PAIP2B: variants seen among roughly 807,000 people sequenced by gnomAD.
PAIP2B encodes poly(A) binding protein interacting protein 2B.
Under a neutral mutation model 17.0 loss-of-function variants are expected in PAIP2B, and 13 were observed. The observed-to-expected ratio is 0.76, with a 90% CI of 0.50 to 1.22. PAIP2B has a LOEUF of 1.22. Among genes scored for constraint, PAIP2B ranks in the 50% most tolerant of loss-of-function variants. The probability of loss-of-function intolerance (pLI) is 0.00; values close to 1 mark genes in which losing one functional copy is unlikely to be tolerated. For synonymous variants in PAIP2B, 43 were observed against 48.7 expected (o/e 0.88, Z 0.48); for missense variants, 117 against 144.5 (o/e 0.81, Z 0.98).
intron 2 of PAIP2B, among the ~76,000 whole-genome samples, chr2:71,191,068 C>T (rs1674675473): frequency 6.6e-6 from 1 of 152,160 alleles, no homozygotes; most frequent in South Asian, 2.1e-4. Context: ...GAGTGTGGTT[C>T]ACTCTGCAGA....
intron 2 of PAIP2B, among the ~76,000 whole-genome samples, chr2:71,196,209 T>C: frequency 6.6e-6 from 1 of 152,240 alleles, no homozygotes; most frequent in East Asian, 1.9e-4. Context: ...GATTCTGGTA[T>C]GTTGTATCTT....
chr2:71,226,579 A>C (rs984232426), intron 1 of PAIP2B, among the ~76,000 whole-genome samples: 1 of 152,040 alleles, frequency 6.6e-6, no homozygotes, highest in Non-Finnish European at 1.5e-5. Context: ...CCTGGGTAGA[A>C]ATGGGACTCA....
chr2:71,214,531 A>G (rs1675380139), intron 1 of PAIP2B, among the ~76,000 whole-genome samples: 1 of 152,240 alleles, frequency 6.6e-6, no homozygotes, highest in Non-Finnish European at 1.5e-5. Flanking sequence ...AAATAGGTCT[A>G]CAATCCATTA....
chr2:71,189,057 G>A (rs1054301242), intron 3 of PAIP2B, among the ~76,000 whole-genome samples: 3 of 146,356 alleles, frequency 2.0e-5, no homozygotes, highest in Non-Finnish European at 4.5e-5. Flanking sequence ...CCAGGCTGGA[G>A]TGCAGTGGTG....
chr2:71,209,863 G>A (rs768821507), intron 1 of PAIP2B, among the ~76,000 whole-genome samples: 76 of 149,920 alleles, frequency 5.1e-4, no homozygotes, highest in Non-Finnish European at 4.7e-4. Context: ...TCACTCTGTC[G>A]CCCCAGGCTG....
chr2:71,215,588 C>A, intron 1 of PAIP2B, among the ~76,000 whole-genome samples: 1 of 152,170 alleles, frequency 6.6e-6, no homozygotes, highest in East Asian at 1.9e-4. Flanking sequence ...CTAGTTATTC[C>A]TTCAAACAGT....
intron 1 of PAIP2B, among the ~76,000 whole-genome samples, chr2:71,206,318 T>C (rs1182725751): frequency 6.6e-6 from 1 of 152,222 alleles, no homozygotes; most frequent in Non-Finnish European, 1.5e-5. Context: ...CTATATTGCA[T>C]CTTGAAACCT....
intron 1 of PAIP2B, among the ~76,000 whole-genome samples, chr2:71,226,539 G>A (rs1031474198): frequency 2.0e-5 from 3 of 152,170 alleles, no homozygotes; most frequent in Non-Finnish European, 4.4e-5. Context: ...GGGGGATGCC[G>A]CGCGGGTCAA....
intron 2 of PAIP2B, among the ~76,000 whole-genome samples, chr2:71,194,767 G>C (rs975287840): frequency 2.6e-5 from 4 of 152,126 alleles, no homozygotes; most frequent in African/African-American, 9.7e-5. Context: ...ATACTATGTT[G>C]AATGTAAGTG....
chr2:71,203,453 G>C (rs1053674303), intron 1 of PAIP2B, among the ~76,000 whole-genome samples: 3 of 151,958 alleles, frequency 2.0e-5, no homozygotes, highest in Non-Finnish European at 4.4e-5. Context: ...ACTACTATAA[G>C]AATTTAAATT....
At chr2:71,190,455 A>T (rs930733156) in intron 2 of PAIP2B, among the ~76,000 whole-genome samples, 3 of 152,124 alleles carry the variant, frequency 2.0e-5, no homozygotes, top group Admixed American at 1.3e-4. Context: ...TAAAAAAAAG[A>T]TTTTATGATC....
chr2:71,195,459 G>C (rs1472723682), intron 2 of PAIP2B, among the ~76,000 whole-genome samples: 1 of 152,140 alleles, frequency 6.6e-6, no homozygotes, highest in Admixed American at 6.5e-5. Flanking sequence ...GAGGGTTTAT[G>C]TGTCCAGGAA....
intron 1 of PAIP2B, among the ~76,000 whole-genome samples, chr2:71,204,896 T>C (rs1469776128): frequency 6.6e-6 from 1 of 152,150 alleles, no homozygotes; most frequent in Non-Finnish European, 1.5e-5. Context: ...GGCAGTTGTT[T>C]GCAACTAGCA....
chr2:71,210,675 A>T (rs1462750440), intron 1 of PAIP2B, among the ~76,000 whole-genome samples: 1 of 152,250 alleles, frequency 6.6e-6, no homozygotes, highest in African/African-American at 2.4e-5. Flanking sequence ...AATATATCAA[A>T]ACAAAGGTAA....
In PAIP2B at chr2:71,183,719, C is replaced by T. The variant is rs1318321280; in HGVS notation, c.*4760G>A. 1.3e-5 allele frequency: 2 copies of T among 152,126 alleles called. No homozygotes were observed. Among genetic ancestry groups the T allele is most frequent in the African/African-American group, 4.8e-5 (2 of 41,414 alleles). 9.4% of individuals were successfully genotyped at this position (152,126 alleles called of 1,614,324 possible). On this transcript the variant is annotated 3_prime_UTR_variant, in exon 4 of 4. Coordinates refer to ENST00000244221, the MANE Select transcript of PAIP2B (RefSeq NM_020459.1). ...TATGATTCCATTGATTTGAACTGTC[C>T]AGAAAGGGCAAATTTATAGAGAAAG...
At chr2:71,208,593 C>T (rs114058959) in intron 1 of PAIP2B, among the ~76,000 whole-genome samples, 1,628 of 152,234 alleles carry the variant, frequency 0.011, 11 homozygotes, top group Non-Finnish European at 0.018. Flanking sequence ...GGTAGCCCCC[C>T]CAAAAATATG....
chr2:71,186,443 T>C lies in PAIP2B; in HGVS notation c.*2036A>G, dbSNP rs941451478. ...ATGCTAAACTGGCAGGAAGTTTTCA[T>C]AGTCCTGAAGACTGACATCCAAAAC... On this transcript the variant is annotated 3_prime_UTR_variant, in exon 4 of 4. Transcript: ENST00000244221. 1.3e-5 allele frequency: 2 copies of C among 152,238 alleles called. No homozygotes were observed. The highest frequency in any genetic ancestry group is 4.8e-5 in the African/African-American group (2 of 41,460). 9.4% of individuals were successfully genotyped at this position (152,238 alleles called of 1,614,324 possible).
rs1365984033 is a variant in PAIP2B, at chr2:71,187,480, A to G, written c.*999T>C. ...GCTTCTTACTAGTGTCCTGAAAAAT[A>G]TTTCCTTAAAAAAGTGCATAAACTT... On this transcript the variant is annotated 3_prime_UTR_variant, in exon 4 of 4. Coordinates refer to ENST00000244221, the MANE Select transcript of PAIP2B (RefSeq NM_020459.1). The G allele has an allele frequency of 6.6e-6, 1 of 152,174 alleles. No individual in the cohort carries two copies. Among genetic ancestry groups the G allele is most frequent in the Non-Finnish European group, 1.5e-5 (1 of 68,028 alleles). The allele number at this position is 152,174 out of a possible 1,614,324, so 9.4% of individuals were successfully genotyped here.
intron 2 of PAIP2B, among the ~76,000 whole-genome samples, chr2:71,191,155 G>A (rs763505993): frequency 2.6e-5 from 4 of 152,114 alleles, no homozygotes; most frequent in Non-Finnish European, 4.4e-5. Flanking sequence ...CAGATTCACA[G>A]CTCACTAGCA....
Sources: gnomAD v4.1 joint callset for allele counts (sites outside exome capture counted in the v4.1 genomes callset) on GRCh38, gnomAD v4.1.1 for gene constraint, MANE v1.5 for transcripts, NCBI Gene and HGNC (gene_info 2026-07-23, HGNC 2026-07-21) for gene names.